The following KMT2C variants were observed in gnomAD, a reference collection of about 807,000 sequenced individuals.
The protein encoded by KMT2C is histone-lysine N-methyltransferase 2C.
Under a neutral mutation model 507.9 loss-of-function variants are expected in KMT2C, and 88 were observed. The ratio of observed to expected loss-of-function variants is 0.17; its 90% confidence interval spans 0.15 to 0.21. KMT2C has a LOEUF of 0.21. Ranked by LOEUF, KMT2C falls within the 10% of genes least tolerant of loss-of-function variation. The pLI is 1.00. For missense variants in KMT2C, 4,954 were observed against 5,957.8 expected, an observed-to-expected ratio of 0.83 and a Z score of 5.55; for synonymous variants, 2,049 against 2,080.8, an observed-to-expected ratio of 0.98 and a Z score of 0.42.
In KMT2C at chr7:152,138,726, C is replaced by T; in HGVS notation, c.14643+70G>A. The T allele has an allele frequency of 1.1e-6, 1 of 924,714 alleles. No homozygotes were observed. Among genetic ancestry groups the T allele is most frequent in the South Asian group, 1.6e-5 (1 of 62,784 alleles). 57.3% of individuals were successfully genotyped at this position (924,714 alleles called of 1,614,324 possible). On this transcript the variant is annotated intron_variant, in intron 58 of 58. Coordinates refer to ENST00000262189, the MANE Select transcript of KMT2C (RefSeq NM_170606.3). The surrounding 1 kb of genome is among the most constrained non-coding windows in gnomAD (Gnocchi z 4.2). ...AATTGGGAAACAAGTGAGTAAGTGA[C>T]CTGTGTGAGGAGGGAACTATTCGCC...
chr7:152,411,139 T>C (rs2097678699), intron 1 of KMT2C, among the ~76,000 whole-genome samples: 1 of 152,080 alleles, frequency 6.6e-6, no homozygotes, highest in Non-Finnish European at 1.5e-5. Flanking sequence ...CAATAGTTCA[T>C]TTTGTCTTTA....
intron 43 of KMT2C, among the ~76,000 whole-genome samples, chr7:152,160,711 C>A (rs192950660): frequency 6.7e-6 from 1 of 149,274 alleles, no homozygotes; most frequent in African/African-American, 2.5e-5. Flanking sequence ...ATTTAAATCA[C>A]ACTTTAATTT....
intron 33 of KMT2C, 58 bp from the exon 34 acceptor site, chr7:152,185,689 A>C (rs1563308507): frequency 2.3e-6 from 3 of 1,291,852 alleles, no homozygotes. Flanking sequence ...GATGTGTTGT[A>C]ATAAAGAATG....
intron 16 of KMT2C, among the ~76,000 whole-genome samples, chr7:152,234,471 C>T (rs1362737069): frequency 6.6e-6 from 1 of 151,978 alleles, no homozygotes; most frequent in Non-Finnish European, 1.5e-5. Context: ...AATAAATTAA[C>T]GTATAATATA....
At chr7:152,173,454 C>T (rs577609497) in intron 39 of KMT2C, among the ~76,000 whole-genome samples, 27 of 152,180 alleles carry the variant, frequency 1.8e-4, no homozygotes, top group Admixed American at 1.4e-3. Flanking sequence ...AGTAGGTCTG[C>T]AGTAGAGCAA....
At chr7:152,167,109 T>C in intron 42 of KMT2C, 37 bp downstream of exon 42, 1 of 1,481,402 alleles carries the variant, frequency 6.8e-7, no homozygotes. Flanking sequence ...TACTCATTAA[T>C]TGTTGGTAGT....
In KMT2C at chr7:152,297,057, G is replaced by GAAAGAAAGAAAGAAAGAC. The variant is rs756980169; in HGVS notation, c.849+12908_849+12909insGTCTTTCTTTCTTTCTTT. On this transcript the variant is annotated intron_variant, in intron 6 of 58. Coordinates refer to ENST00000262189, the MANE Select transcript of KMT2C (RefSeq NM_170606.3). Reference sequence around the variant, plus strand: ...AGAAAGAAAGAAAGAAAGAAAGACAGAGAGAGAGAGAGAGAGAGAGAGAGA... The same window carrying GAAAGAAAGAAAGAAAGAC: ...AGAAAGAAAGAAAGAAAGAAAGACAGAAAGAAAGAAAGAAAGACAGAGAGAGAGAGAGAGAGAGAGAGA... Among the ~76,000 whole-genome samples, 434 of 90,508 alleles carry GAAAGAAAGAAAGAAAGAC rather than the reference G, an allele frequency of 4.8e-3. 1 individual carries two copies. The highest frequency in any genetic ancestry group is 5.8e-3 in the Non-Finnish European group (268 of 46,002). 59.4% of individuals were successfully genotyped at this position (90,508 alleles called of 152,430 possible).
At chr7:152,379,299 G>C (rs936386947) in intron 1 of KMT2C, among the ~76,000 whole-genome samples, 1 of 151,728 alleles carries the variant, frequency 6.6e-6, no homozygotes, top group African/African-American at 2.4e-5. Flanking sequence ...CCAGCACTTC[G>C]GGAGTCCAAG....
At position 152,145,278 on chromosome 7, in the gene KMT2C, T is replaced by C. The variant is rs2090987694; in HGVS notation, c.14049A>G (p.Ala4683=). Residue 4683 remains alanine, a synonymous_variant, in exon 54 of 59, where the codon GCA becomes GCG. Transcript: ENST00000262189. ...CGTATCGGAAGGTATAATTTTCACA[T>C]GCCTCAACCCCAGGAAGCTGAAAAG... ...RIAESLPGVE[A]CENYTFRYGR... 3.1e-6 allele frequency: 5 copies of C among 1,613,986 alleles called. No homozygotes were observed. Among genetic ancestry groups the C allele is most frequent in the African/African-American group, 2.7e-5 (2 of 74,932 alleles).
intron 4 of KMT2C, among the ~76,000 whole-genome samples, chr7:152,314,837 C>T (rs927534916): frequency 1.3e-5 from 2 of 152,136 alleles, no homozygotes; most frequent in African/African-American, 4.8e-5. Context: ...TCCATGAACT[C>T]CCTCCCTCTC....
At chr7:152,348,442 C>CA (rs1339132517) in intron 2 of KMT2C, among the ~76,000 whole-genome samples, 26 of 150,528 alleles carry the variant, frequency 1.7e-4, no homozygotes, top group African/African-American at 6.3e-4. Context: ...TCTAAAAATA[C>CA]AAAAAAAGTA....
At chr7:152,188,729 C>T (rs2093702123) in intron 31 of KMT2C, among the ~76,000 whole-genome samples, 1 of 151,110 alleles carries the variant, frequency 6.6e-6, no homozygotes, top group Admixed American at 6.6e-5. Context: ...TCTGCCTCAG[C>T]CTCCTGAGTA....
At chr7:152,368,558 A>C in intron 1 of KMT2C, 2 of 1,391,918 alleles carry the variant, frequency 1.4e-6, no homozygotes, top group Non-Finnish European at 2.0e-6. Flanking sequence ...AAACGTCGTC[A>C]GTTTGAGGAT....
intron 23 of KMT2C, among the ~76,000 whole-genome samples, chr7:152,218,522 T>C (rs1467224547): frequency 6.6e-6 from 1 of 152,130 alleles, no homozygotes; most frequent in Non-Finnish European, 1.5e-5. Context: ...TGGACCATTG[T>C]TTCTCACTGA....
At chr7:152,238,673 A>C (rs1312969489) in intron 15 of KMT2C, 34 bp downstream of exon 15, 9 of 1,586,656 alleles carry the variant, frequency 5.7e-6, no homozygotes, top group Non-Finnish European at 7.7e-6. Flanking sequence ...ATCAGACAGA[A>C]ATGATATATG....
At chr7:152,319,942 G>T (rs573737340) in intron 3 of KMT2C, among the ~76,000 whole-genome samples, 4 of 151,894 alleles carry the variant, frequency 2.6e-5, no homozygotes, top group Non-Finnish European at 5.9e-5. Context: ...TCCTTACCCT[G>T]CCCCTTTGTC....
intron 2 of KMT2C, among the ~76,000 whole-genome samples, chr7:152,355,034 T>TGAA (rs1235560643): frequency 1.3e-5 from 2 of 152,106 alleles, no homozygotes; most frequent in Non-Finnish European, 2.9e-5. Flanking sequence ...AATGGTAGTG[T>TGAA]GAAGTTCTGG....
intron 1 of KMT2C, among the ~76,000 whole-genome samples, chr7:152,432,175 C>G (rs530031405): frequency 4.4e-4 from 67 of 152,310 alleles, no homozygotes; most frequent in African/African-American, 1.6e-3. Flanking sequence ...CTTCAGAAAT[C>G]CTATACCTAC....
intron 8 of KMT2C, among the ~76,000 whole-genome samples, chr7:152,263,495 T>C (rs2095814112): frequency 1.3e-5 from 2 of 152,168 alleles, no homozygotes; most frequent in Non-Finnish European, 2.9e-5. Flanking sequence ...GCACAGCGAA[T>C]TGAAAAGACA....
Sources: allele counts gnomAD v4.1 joint callset (sites outside exome capture counted in the v4.1 genomes callset), GRCh38; gene constraint gnomAD v4.1.1; non-coding constraint Gnocchi (gnomAD v3.1); transcripts MANE v1.5; gene names NCBI Gene and HGNC (gene_info 2026-07-23, HGNC 2026-07-21).